Variants in ZNF609 observed in about 807,000 individuals in gnomAD.
ZNF609 encodes zinc finger protein 609.
Under a neutral mutation model 109.5 loss-of-function variants are expected in ZNF609, and 11 were observed. That is an observed-to-expected ratio of 0.10 (90% confidence interval 0.06 to 0.17). The LOEUF is 0.17. Among genes scored for constraint, ZNF609 ranks in the 10% least tolerant of loss-of-function variants. The pLI is 1.00. For synonymous variants in ZNF609, 646 were observed against 662.0 expected (o/e 0.98, Z 0.37); for missense variants, 1,559 against 1,772.4 (o/e 0.88, Z 2.16).
chr15:64,641,389 G>T (rs1305196911), intron 3 of ZNF609, among the ~76,000 whole-genome samples: 1 of 150,520 alleles, frequency 6.6e-6, no homozygotes, highest in Non-Finnish European at 1.5e-5. Flanking sequence ...GGCTAATTTT[G>T]TATTTTTAGT....
chr15:64,669,976 A>AT (rs1179277895), intron 3 of ZNF609, among the ~76,000 whole-genome samples: 1 of 152,088 alleles, frequency 6.6e-6, no homozygotes, highest in Non-Finnish European at 1.5e-5. Flanking sequence ...CCAAAAAAAA[A>AT]TTTTTTTAAT....
chr15:64,514,105 C>A (rs1007311001), intron 2 of ZNF609, among the ~76,000 whole-genome samples: 45 of 146,214 alleles, frequency 3.1e-4, no homozygotes, highest in South Asian at 4.3e-4. Context: ...AAAAAAAAAA[C>A]CACCAGTTCA....
Position 64,532,495 on chromosome 15 carries a change from C to T in ZNF609, c.747+32329C>T, listed in dbSNP as rs545165706. Among the ~76,000 whole-genome samples, 3 of 152,302 alleles carry T rather than the reference C, an allele frequency of 2.0e-5. No homozygotes were observed. In the South Asian group the frequency reaches 6.2e-4, roughly 32 times the overall value. ...TGTGCAGTATGGTAAATACTAATCT[C>T]ATTTTTAGCTGATGTGAGCCTCAGT... On this transcript the variant is annotated intron_variant, in intron 2 of 9. Coordinates refer to ENST00000326648, the MANE Select transcript of ZNF609 (RefSeq NM_015042.2).
rs1893534076 is a variant in ZNF609 at position 64,499,767 on chromosome 15, T to C, written c.348T>C (p.Ala116=). The C allele has an allele frequency of 1.2e-6, 2 of 1,613,934 alleles. No individual in the cohort carries two copies. Among genetic ancestry groups the C allele is most frequent in the African/African-American group, 2.7e-5 (2 of 74,902 alleles). Residue 116 remains alanine, a synonymous_variant, in exon 2 of 10, where the codon GCT becomes GCC. Coordinates refer to ENST00000326648, the MANE Select transcript of ZNF609 (RefSeq NM_015042.2). ...TGTTCACTCCAAGTGAGGGGGCAGC[T>C]AGCAAGAAAGAGGTGCAGGGGCGCT... ...TSLFTPSEGA[A]SKKEVQGRSG...
At chr15:64,571,981 G>A (rs531545296) in intron 2 of ZNF609, among the ~76,000 whole-genome samples, 1 of 152,264 alleles carries the variant, frequency 6.6e-6, no homozygotes, top group East Asian at 1.9e-4. Context: ...ACTGCCTAGG[G>A]ATATAGATAG....
intron 2 of ZNF609, among the ~76,000 whole-genome samples, chr15:64,504,636 G>C (rs1453770279): frequency 1.5e-5 from 2 of 136,972 alleles, no homozygotes; most frequent in Non-Finnish European, 3.2e-5. Flanking sequence ...TGCCTGGCTA[G>C]TTTTTTTTTT....
intron 2 of ZNF609, among the ~76,000 whole-genome samples, chr15:64,599,168 G>GTTTTGTT (rs1895452019): frequency 2.2e-5 from 1 of 46,494 alleles, no homozygotes; most frequent in African/African-American, 7.7e-5. Context: ...TTTTGTGGTG[G>GTTTTGTT]TTTTTTTTTT....
chr15:64,550,809 C>T (rs547756074), intron 2 of ZNF609, among the ~76,000 whole-genome samples: 1 of 148,546 alleles, frequency 6.7e-6, no homozygotes, highest in East Asian at 2.0e-4. Flanking sequence ...TGCACTCCAG[C>T]CTGGGTGACA....
chr15:64,543,001 G>C (rs1317201023), intron 2 of ZNF609, among the ~76,000 whole-genome samples: 2 of 152,094 alleles, frequency 1.3e-5, no homozygotes, highest in Admixed American at 1.3e-4. Flanking sequence ...AGCGGGTGGG[G>C]GGCAAGGGGA....
chr15:64,483,483 CTCCAGTTAT>C (rs1008170857), intron 1 of ZNF609, among the ~76,000 whole-genome samples: 5 of 152,110 alleles, frequency 3.3e-5, no homozygotes, highest in Admixed American at 1.3e-4. Context: ...ACCTCCTGGG[CTCCAGTTAT>C]CATCCTGTCT....
At position 64,675,503 on chromosome 15, in the gene ZNF609, G is replaced by A. The variant is rs1420825272; in HGVS notation, c.2649G>A (p.Gln883=). Residue 883 remains glutamine (Q), a synonymous_variant, in exon 5 of 10, where the codon CAG becomes CAA. Transcript: ENST00000326648. The part of the protein sequence containing the change: ...EGAKKTLFPP[Q]PQSKDSPYYQ... ...CTAAGAAAACTCTTTTTCCCCCTCAGCCTCAGAGCAAAGACTCACCATATT... is the reference window on the plus strand; with the variant it reads ...CTAAGAAAACTCTTTTTCCCCCTCAACCTCAGAGCAAAGACTCACCATATT... 1 of 1,614,114 alleles carries A rather than the reference G, an allele frequency of 6.2e-7. No homozygotes were observed.
At chr15:64,635,099 A>G (rs1446649875) in intron 3 of ZNF609, among the ~76,000 whole-genome samples, 1 of 152,062 alleles carries the variant, frequency 6.6e-6, no homozygotes, top group East Asian at 1.9e-4. Flanking sequence ...TCCAGGGGAG[A>G]AAGAGAGTCT....
At chr15:64,512,068 T>A (rs1191567487) in intron 2 of ZNF609, among the ~76,000 whole-genome samples, 1 of 151,968 alleles carries the variant, frequency 6.6e-6, no homozygotes, top group Non-Finnish European at 1.5e-5. Flanking sequence ...TGGTTAAAAA[T>A]CACTATCATG....
intron 2 of ZNF609, among the ~76,000 whole-genome samples, chr15:64,538,852 T>C (rs1314497341): frequency 6.6e-6 from 1 of 152,048 alleles, no homozygotes. Flanking sequence ...ACTGGTTTTA[T>C]TTTTTATAGA....
chr15:64,617,502 A>C (rs534941228), intron 2 of ZNF609, among the ~76,000 whole-genome samples: 97 of 151,418 alleles, frequency 6.4e-4, no homozygotes, highest in African/African-American at 2.3e-3. Flanking sequence ...AAGAAAAGAG[A>C]ATTATCGCCA....
chr15:64,587,807 T>TCCA (rs974026934), intron 2 of ZNF609, among the ~76,000 whole-genome samples: 39 of 152,216 alleles, frequency 2.6e-4, no homozygotes, highest in African/African-American at 8.4e-4. Flanking sequence ...TGTCTATGGA[T>TCCA]GTGGTGTCTC....
At chr15:64,460,162 T>TGC (rs1892915650), upstream of ZNF609, among the ~76,000 whole-genome samples, 1 of 152,092 alleles carries the variant, frequency 6.6e-6, no homozygotes, top group Admixed American at 6.5e-5. Context: ...TCTTTGTGGA[T>TGC]GCCCATGTTC....
At chr15:64,664,245 T>TAAC (rs1442178414) in intron 3 of ZNF609, among the ~76,000 whole-genome samples, 2 of 151,916 alleles carry the variant, frequency 1.3e-5, no homozygotes, top group African/African-American at 2.4e-5. Context: ...ATAATAATAA[T>TAAC]AACTAGGGGA....
intron 3 of ZNF609, among the ~76,000 whole-genome samples, chr15:64,666,641 A>G (rs957422926): frequency 3.3e-5 from 5 of 151,798 alleles, no homozygotes; most frequent in African/African-American, 1.2e-4. Flanking sequence ...CCTCCTGAGT[A>G]GCTGGGACTA....
Sources: gnomAD v4.1 joint callset for allele counts (sites outside exome capture counted in the v4.1 genomes callset) on GRCh38, gnomAD v4.1.1 for gene constraint, MANE v1.5 for transcripts, NCBI Gene and HGNC (gene_info 2026-07-23, HGNC 2026-07-21) for gene names.